Variants in NCOA1 observed in about 807,000 individuals in gnomAD.
NCOA1 encodes nuclear receptor coactivator 1.
A neutral mutation model predicts 150.9 loss-of-function variants in NCOA1; 35 were observed. The ratio of observed to expected loss-of-function variants is 0.23; its 90% CI spans 0.18 to 0.31. The LOEUF is 0.31. Among genes scored for constraint, NCOA1 ranks in the 10% least tolerant of loss-of-function variants. The pLI, the probability that NCOA1 is intolerant of heterozygous loss-of-function variation, is 1.00. For synonymous variants in NCOA1, 590 were observed against 630.0 expected, an observed-to-expected ratio of 0.94 and a Z score of 0.95; for missense variants, 1,491 against 1,749.3, an observed-to-expected ratio of 0.85 and a Z score of 2.63.
At chr2:24,677,324 A>G (rs1671958198) in intron 7 of NCOA1, among the ~76,000 whole-genome samples, 1 of 152,220 alleles carries the variant, frequency 6.6e-6, no homozygotes, top group African/African-American at 2.4e-5. Flanking sequence ...AGCCTGGGTG[A>G]CAGAGCAAGA....
At chr2:24,629,713 A>G (rs959390499) in intron 3 of NCOA1, among the ~76,000 whole-genome samples, 2 of 149,818 alleles carry the variant, frequency 1.3e-5, no homozygotes. Context: ...GCTGCCAAGT[A>G]GAAGACAAAT....
intron 14 of NCOA1, among the ~76,000 whole-genome samples, chr2:24,724,623 T>G (rs937409782): frequency 1.1e-4 from 16 of 152,186 alleles, no homozygotes; most frequent in African/African-American, 3.9e-4. Context: ...CCAACTTATT[T>G]TCTTAACATT....
chr2:24,514,308 G>GA (rs1310496238), intron 1 of NCOA1, among the ~76,000 whole-genome samples: 1 of 142,826 alleles, frequency 7.0e-6, no homozygotes, highest in Non-Finnish European at 1.5e-5. Flanking sequence ...AAAAAAAAAG[G>GA]AAAAAAACAA....
At chr2:24,657,039 C>A (rs1030954758) in intron 4 of NCOA1, among the ~76,000 whole-genome samples, 3 of 152,130 alleles carry the variant, frequency 2.0e-5, no homozygotes, top group Admixed American at 1.3e-4. Context: ...TTTTGAAGAA[C>A]CTCCATGCTC....
intron 1 of NCOA1, among the ~76,000 whole-genome samples, chr2:24,548,004 A>AT (rs1054792676): frequency 2.0e-5 from 3 of 151,454 alleles, no homozygotes; most frequent in African/African-American, 7.3e-5. Context: ...AAAAAAAAAA[A>AT]AAAAGGATGA....
intron 18 of NCOA1, 143 bp from the exon 19 acceptor site, chr2:24,741,641 C>T: frequency 4.1e-5 from 36 of 872,040 alleles, no homozygotes; most frequent in East Asian, 1.1e-4. Flanking sequence ...GTTTTTGTTC[C>T]TTTTCTGTTT....
chr2:24,594,976 A>AT, intron 3 of NCOA1, among the ~76,000 whole-genome samples: 1 of 152,058 alleles, frequency 6.6e-6, no homozygotes, highest in East Asian at 1.9e-4. Flanking sequence ...ATTGAAGAAA[A>AT]TTAAATGGGC....
At chr2:24,606,907 G>A (rs1668394235) in intron 3 of NCOA1, among the ~76,000 whole-genome samples, 1 of 152,136 alleles carries the variant, frequency 6.6e-6, no homozygotes, top group African/African-American at 2.4e-5. Context: ...GGATATGTGT[G>A]CACCTCAGAG....
chr2:24,759,873 A>T (rs1664693284), intron 21 of NCOA1, among the ~76,000 whole-genome samples: 1 of 152,094 alleles, frequency 6.6e-6, no homozygotes, highest in African/African-American at 2.4e-5. Flanking sequence ...CTGTTGTCAT[A>T]CATGTTATAT....
intron 3 of NCOA1, among the ~76,000 whole-genome samples, chr2:24,626,196 G>A (rs931733429): frequency 2.0e-5 from 3 of 152,280 alleles, no homozygotes; most frequent in South Asian, 2.1e-4. Flanking sequence ...TGCTGGCTGT[G>A]ATAATGGGAG....
intron 18 of NCOA1, among the ~76,000 whole-genome samples, chr2:24,740,542 C>G (rs543307220): frequency 6.6e-6 from 1 of 152,106 alleles, no homozygotes; most frequent in Non-Finnish European, 1.5e-5. Context: ...ATGGGACCAC[C>G]GAATTTGGTC....
intron 3 of NCOA1, among the ~76,000 whole-genome samples, chr2:24,606,122 G>C (rs1039505114): frequency 2.0e-5 from 3 of 151,962 alleles, no homozygotes; most frequent in African/African-American, 7.3e-5. Flanking sequence ...AATTTAATCT[G>C]ATGTTTTACC....
chr2:24,684,467 G>A lies in NCOA1; in HGVS notation c.532+1339G>A, dbSNP rs190366999. ...ATGCTGTAGATCTATGACTATTTGG[G>A]TTCCCCCAAATCACTGCCAGTAGAT... On this transcript the variant is annotated intron_variant, in intron 8 of 22. Transcript: ENST00000348332. Among the ~76,000 whole-genome samples the A allele has an allele frequency of 6.4e-4, 98 of 152,184 alleles. 2 individuals are homozygous for A. The East Asian group carries it at 0.018, about 28-fold the overall frequency.
chr2:24,707,985 G>A (rs1182686637), intron 13 of NCOA1, 97 bp downstream of exon 13: 1 of 1,401,210 alleles, frequency 7.1e-7, no homozygotes, highest in African/African-American at 1.5e-5. Flanking sequence ...TTCATACTAT[G>A]TTTTATCCTA....
At chr2:24,604,612 C>A (rs971500302) in intron 3 of NCOA1, among the ~76,000 whole-genome samples, 1 of 152,166 alleles carries the variant, frequency 6.6e-6, no homozygotes, top group African/African-American at 2.4e-5. Flanking sequence ...TTCTTCATCT[C>A]GCTGTCTTCA....
chr2:24,553,030 G>A (rs2148229531), intron 1 of NCOA1, among the ~76,000 whole-genome samples: 1 of 152,220 alleles, frequency 6.6e-6, no homozygotes, highest in South Asian at 2.1e-4. Context: ...ACAGTACATT[G>A]TTGAATAGGA....
intron 3 of NCOA1, among the ~76,000 whole-genome samples, chr2:24,625,814 G>C (rs1669383236): frequency 6.6e-6 from 1 of 151,204 alleles, no homozygotes; most frequent in Non-Finnish European, 1.5e-5. Flanking sequence ...TGAAGTTTTG[G>C]AGTTTTTCTA....
chr2:24,716,351 T>C (rs2148615338), intron 14 of NCOA1, among the ~76,000 whole-genome samples: 1 of 151,576 alleles, frequency 6.6e-6, no homozygotes, highest in Middle Eastern at 3.4e-3. Context: ...GGAATAAAAA[T>C]AGACATATAG....
Position 24,566,712 on chromosome 2 carries a change from G to C in NCOA1, c.-260+2282G>C, listed in dbSNP as rs566514417. On this transcript the variant is annotated intron_variant, in intron 2 of 22. Coordinates refer to ENST00000348332, the MANE Select transcript of NCOA1 (RefSeq NM_003743.5). ...TGTTCATGGTGCCCAGGCTGTTCCTGCTGAGGGGCACCTGCAGGCCAGCAT... is the reference window on the plus strand; with the variant it reads ...TGTTCATGGTGCCCAGGCTGTTCCTCCTGAGGGGCACCTGCAGGCCAGCAT... Among the ~76,000 whole-genome samples the C allele has an allele frequency of 3.3e-5, 5 of 152,326 alleles. No individual in the cohort carries two copies. In the South Asian group the frequency reaches 1.0e-3, roughly 32 times the overall value.
Sources: allele counts gnomAD v4.1 joint callset (sites outside exome capture counted in the v4.1 genomes callset), GRCh38; gene constraint gnomAD v4.1.1; transcripts MANE v1.5; gene names NCBI Gene and HGNC (gene_info 2026-07-23, HGNC 2026-07-21).